Variants in LRRTM4 observed in about 807,000 individuals in gnomAD.
LRRTM4 encodes leucine-rich repeat transmembrane neuronal protein 4.
In LRRTM4, 25 loss-of-function variants were observed where a neutral mutation model predicts 47.6. That is an observed-to-expected ratio of 0.53 (90% CI 0.38 to 0.73). The LOEUF (loss-of-function observed/expected upper bound fraction) is 0.73. Ranked by LOEUF, LRRTM4 falls within the 30% of genes least tolerant of loss-of-function variation. The pLI, the probability that LRRTM4 is intolerant of heterozygous loss-of-function variation, is 0.00. For synonymous variants in LRRTM4, 311 were observed against 269.5 expected, an observed-to-expected ratio of 1.15 and a Z score of -1.51; for missense variants, 638 against 713.4, an observed-to-expected ratio of 0.89 and a Z score of 1.20.
intron 3 of LRRTM4, among the ~76,000 whole-genome samples, chr2:77,204,874 G>A (rs1674076875): frequency 6.6e-6 from 1 of 152,114 alleles, no homozygotes; most frequent in South Asian, 2.1e-4. Flanking sequence ...CTCAACTCAG[G>A]TAAGAATGTA....
At chr2:77,219,005 CAG>C (rs1311750173) in intron 3 of LRRTM4, among the ~76,000 whole-genome samples, 3 of 152,176 alleles carry the variant, frequency 2.0e-5, no homozygotes, top group Non-Finnish European at 4.4e-5. Context: ...ACTGGAATGA[CAG>C]AGTATTGAAA....
chr2:77,009,476 A>T (rs1677788128), intron 3 of LRRTM4: 1 of 152,084 alleles, frequency 6.6e-6, no homozygotes, highest in Non-Finnish European at 1.5e-5. Context: ...TATAAACTAT[A>T]TCCTTCAAAG....
intron 3 of LRRTM4, among the ~76,000 whole-genome samples, chr2:76,856,862 A>G (rs1672166797): frequency 6.6e-6 from 1 of 152,034 alleles, no homozygotes; most frequent in Admixed American, 6.6e-5. Flanking sequence ...ACTTTTACTT[A>G]TTTGTTTTCT....
chr2:77,258,760 A>T (rs148597035), intron 3 of LRRTM4, among the ~76,000 whole-genome samples: 18,948 of 150,364 alleles, frequency 0.13, 3,843 homozygotes, highest in African/African-American at 0.43. Context: ...CTTATTTTTA[A>T]AAAAAAAATA....
intron 3 of LRRTM4, among the ~76,000 whole-genome samples, chr2:77,458,653 T>A (rs1676660410): frequency 6.6e-6 from 1 of 151,934 alleles, no homozygotes; most frequent in African/African-American, 2.4e-5. Flanking sequence ...TTGCCACACC[T>A]TGTATCTAGG....
intron 3 of LRRTM4, among the ~76,000 whole-genome samples, chr2:77,142,043 CCAA>C (rs1346405728): frequency 6.6e-6 from 1 of 152,110 alleles, no homozygotes; most frequent in African/African-American, 2.4e-5. Context: ...TCTTTAGTTA[CCAA>C]CAGATTGCTT....
intron 3 of LRRTM4, among the ~76,000 whole-genome samples, chr2:76,804,637 ATATAC>A (rs10559368): frequency 0.081 from 11,907 of 147,346 alleles, 494 homozygotes; most frequent in Middle Eastern, 0.14. Flanking sequence ...TTGTACATAT[ATATAC>A]TATATATATA....
intron 3 of LRRTM4, among the ~76,000 whole-genome samples, chr2:76,942,379 T>C (rs1341083704): frequency 6.6e-6 from 1 of 152,146 alleles, no homozygotes; most frequent in African/African-American, 2.4e-5. Context: ...TTTAAAAGCA[T>C]AGTATGTGCC....
intron 3 of LRRTM4, among the ~76,000 whole-genome samples, chr2:77,128,828 T>C (rs1291355229): frequency 6.6e-6 from 1 of 151,966 alleles, no homozygotes; most frequent in Non-Finnish European, 1.5e-5. Context: ...TTAGCAGAGA[T>C]GGAGTTTCAC....
chr2:77,346,923 G>T (rs1238016037), intron 3 of LRRTM4, among the ~76,000 whole-genome samples: 4 of 152,008 alleles, frequency 2.6e-5, no homozygotes, highest in Non-Finnish European at 5.9e-5. Flanking sequence ...GAAAATTTAT[G>T]TGTGTGATGC....
chr2:77,434,466 T>C lies in LRRTM4; in HGVS notation c.1551+83852A>G, dbSNP rs975669813. 3.3e-5 allele frequency among the ~76,000 whole-genome samples: 5 copies of C among 150,826 alleles called. No homozygotes were observed. The South Asian group carries it at 6.3e-4, about 19-fold the overall frequency. ...ATCTGTTAAAAAAAAAAAAAACTAA[T>C]GGATTGAGTTTATTAACAAATGGCT... On this transcript the variant is annotated intron_variant, in intron 3 of 3. Coordinates refer to ENST00000409884, the MANE Select transcript of LRRTM4 (RefSeq NM_001134745.3).
At chr2:76,909,113 C>A (rs1304525541) in intron 3 of LRRTM4, among the ~76,000 whole-genome samples, 1 of 152,164 alleles carries the variant, frequency 6.6e-6, no homozygotes, top group Non-Finnish European at 1.5e-5. Flanking sequence ...GCTACAGTAA[C>A]CAAAACAGCA....
chr2:77,136,667 C>G (rs552795613), intron 3 of LRRTM4, among the ~76,000 whole-genome samples: 1 of 152,200 alleles, frequency 6.6e-6, no homozygotes, highest in South Asian at 2.1e-4. Context: ...TTCAGAGGAT[C>G]AAATTTCTCC....
At chr2:76,794,212 T>G (rs1675133424) in intron 3 of LRRTM4, among the ~76,000 whole-genome samples, 1 of 152,210 alleles carries the variant, frequency 6.6e-6, no homozygotes, top group Non-Finnish European at 1.5e-5. Context: ...GCTTATAGCT[T>G]ATTGAATCAG....
intron 3 of LRRTM4, among the ~76,000 whole-genome samples, chr2:77,441,352 A>G (rs1675834526): frequency 6.6e-6 from 1 of 152,218 alleles, no homozygotes; most frequent in South Asian, 2.1e-4. Flanking sequence ...ATATTGTTAA[A>G]AGGCTAATAT....
intron 3 of LRRTM4, among the ~76,000 whole-genome samples, chr2:77,202,446 T>C (rs1245508663): frequency 1.3e-5 from 2 of 152,136 alleles, no homozygotes; most frequent in Admixed American, 1.3e-4. Flanking sequence ...TAAGTAATAC[T>C]ACACGCTTTA....
intron 3 of LRRTM4, among the ~76,000 whole-genome samples, chr2:77,406,011 G>A (rs1674166413): frequency 6.6e-6 from 1 of 151,990 alleles, no homozygotes; most frequent in East Asian, 1.9e-4. Flanking sequence ...CCATCTCCAG[G>A]AGACATTAGA....
chr2:77,251,090 C>T (rs528454809), intron 3 of LRRTM4, among the ~76,000 whole-genome samples: 1 of 148,846 alleles, frequency 6.7e-6, no homozygotes, highest in Non-Finnish European at 1.5e-5. Flanking sequence ...GCAACAAGAG[C>T]AAAACTCTGT....
At chr2:77,360,284 C>T (rs538475595) in intron 3 of LRRTM4, among the ~76,000 whole-genome samples, 4 of 151,996 alleles carry the variant, frequency 2.6e-5, no homozygotes, top group African/African-American at 9.6e-5. Context: ...GGTGAAACCC[C>T]GTATCTACTA....
Sources: gnomAD v4.1 joint callset for allele counts (sites outside exome capture counted in the v4.1 genomes callset) on GRCh38, gnomAD v4.1.1 for gene constraint, MANE v1.5 for transcripts, NCBI Gene and HGNC (gene_info 2026-07-23, HGNC 2026-07-21) for gene names.